VPS53: variants seen among roughly 807,000 people sequenced by gnomAD.
VPS53 encodes the protein VPS53 subunit of GARP complex, also known as vacuolar protein sorting-associated protein 53 homolog.
VPS53 carries 70 observed loss-of-function variants against 107.0 expected under a neutral mutation model. The observed-to-expected ratio is 0.65, with a 90% confidence interval of 0.54 to 0.80. The LOEUF (loss-of-function observed/expected upper bound fraction) is 0.80. VPS53 is among the 30% of genes least tolerant of loss of function. The pLI, the probability that VPS53 is intolerant of heterozygous loss-of-function variation, is 0.00. For missense variants in VPS53, 917 were observed against 1,049.4 expected, an observed-to-expected ratio of 0.87 and a Z score of 1.74; for synonymous variants, 409 against 393.3, an observed-to-expected ratio of 1.04 and a Z score of -0.47.
Position 574,192 on chromosome 17 carries a change from C to T in VPS53, c.1314-11447G>A, listed in dbSNP as rs73973155. ...TCTGCAGGAACAGCAGCACAGCCTG[C>T]GCAGTATCTGCTCCTTCCTTAGTGC... On this transcript the variant is annotated intron_variant, in intron 13 of 21. Coordinates refer to ENST00000437048, the MANE Select transcript of VPS53 (RefSeq NM_001128159.3). Among the ~76,000 whole-genome samples, 1,029 of 152,266 alleles carry T rather than the reference C, an allele frequency of 6.8e-3. 15 individuals carry two copies. Among genetic ancestry groups the T allele is most frequent in the African/African-American group, 0.024 (986 of 41,552 alleles).
chr17:639,449 AT>A (rs1451018671), intron 7 of VPS53, among the ~76,000 whole-genome samples: 10 of 151,766 alleles, frequency 6.6e-5, no homozygotes, highest in Non-Finnish European at 1.2e-4. Flanking sequence ...GCTTTGTTCC[AT>A]TGCTGGCGAG....
At chr17:532,810 C>G (rs1307221619) in intron 19 of VPS53, 32 bp downstream of exon 19, 1 of 1,611,652 alleles carries the variant, frequency 6.2e-7, no homozygotes, top group East Asian at 2.2e-5. Context: ...CAAAAGCTGC[C>G]AGGCAAATGC....
intron 7 of VPS53, among the ~76,000 whole-genome samples, chr17:646,350 G>A (rs1970708263): frequency 7.7e-6 from 1 of 129,200 alleles, no homozygotes; most frequent in South Asian, 2.6e-4. Context: ...CCATACTACG[G>A]ACTGGAGATC....
At chr17:629,438 C>T (rs1434511167) in intron 8 of VPS53, among the ~76,000 whole-genome samples, 1 of 152,086 alleles carries the variant, frequency 6.6e-6, no homozygotes, top group Non-Finnish European at 1.5e-5. Context: ...TAACACAAGG[C>T]CTTTAAGAAA....
intron 13 of VPS53, 130 bp from the exon 14 acceptor site, chr17:562,875 G>A (rs1312014852): frequency 6.6e-6 from 7 of 1,062,628 alleles, no homozygotes; most frequent in African/African-American, 4.8e-5. Context: ...CTTAAAATCG[G>A]ATCGATTTTA....
chr17:679,712 T>C (rs1479465916), intron 4 of VPS53, among the ~76,000 whole-genome samples: 2 of 152,242 alleles, frequency 1.3e-5, no homozygotes, highest in Non-Finnish European at 2.9e-5. Context: ...CAAAAGGCAC[T>C]TGACCTTGAT....
Position 551,944 on chromosome 17 carries a change from G to C in VPS53, c.1794C>G (p.Ile598Met). 2 of 1,594,908 alleles carry C rather than the reference G, an allele frequency of 1.3e-6. No individual in the cohort carries two copies. Among genetic ancestry groups the C allele is most frequent in the Non-Finnish European group, 1.7e-6 (2 of 1,169,866 alleles). ...GAACCAGCAGCTGAATACTGCTGGAGATGACGCTGCAAATCAAACAAATCA... is the reference window on the plus strand; with the variant it reads ...GAACCAGCAGCTGAATACTGCTGGACATGACGCTGCAAATCAAACAAATCA... ...TGEMDTFSTV[I>M]SSSIQLLVQD... Residue 598 changes from isoleucine (I) to methionine (M), a missense_variant, in exon 17 of 22, where the codon ATC becomes ATG. By Grantham distance (10) the Ile-to-Met change is conservative. Transcript: ENST00000437048.
At chr17:617,546 C>T (rs1969199515) in intron 11 of VPS53, among the ~76,000 whole-genome samples, 2 of 152,186 alleles carry the variant, frequency 1.3e-5, no homozygotes, top group South Asian at 2.1e-4. Context: ...GGACTACAGG[C>T]GTGCGCCACC....
intron 3 of VPS53, among the ~76,000 whole-genome samples, 200 bp downstream of exon 3, chr17:699,131 C>A (rs1973102346): frequency 6.6e-6 from 1 of 152,060 alleles, no homozygotes; most frequent in Non-Finnish European, 1.5e-5. Flanking sequence ...CACACCATTG[C>A]ACTCCAGCCT....
intron 14 of VPS53, among the ~76,000 whole-genome samples, chr17:561,538 G>C (rs1415332121): frequency 2.0e-5 from 3 of 152,180 alleles, no homozygotes; most frequent in Admixed American, 6.5e-5. Context: ...AAAGCACACA[G>C]ATCACACACA....
intron 14 of VPS53, 127 bp downstream of exon 14, chr17:562,376 C>T (rs1913093927): frequency 1.5e-6 from 2 of 1,338,898 alleles, no homozygotes; most frequent in Non-Finnish European, 2.1e-6. Flanking sequence ...CCCTCGGGAA[C>T]TCAGGAAGCG....
intron 4 of VPS53, among the ~76,000 whole-genome samples, chr17:667,018 C>T (rs1301590547): frequency 1.3e-5 from 2 of 152,186 alleles, no homozygotes; most frequent in Non-Finnish European, 2.9e-5. Context: ...GAATGGACAG[C>T]GATGACATGA....
Position 631,533 on chromosome 17 carries a change from G to A in VPS53, c.687+17C>T. ...ATGGTGATCATCTCTAAAGACTGGG[G>A]AAACGCAAAGCAGTACCTTGGTGCC... On this transcript the variant is annotated intron_variant, in intron 8 of 21. Transcript: ENST00000437048. 1 of 1,613,388 alleles carries A rather than the reference G, an allele frequency of 6.2e-7. No homozygotes were observed. The highest frequency in any genetic ancestry group is 8.5e-7 in the Non-Finnish European group (1 of 1,179,430).
chr17:690,070 C>T (rs945357918), intron 4 of VPS53, among the ~76,000 whole-genome samples: 5 of 151,606 alleles, frequency 3.3e-5, no homozygotes, highest in Admixed American at 6.6e-5. Flanking sequence ...TCTGACGGCA[C>T]GTCACACGGC....
intron 5 of VPS53, among the ~76,000 whole-genome samples, chr17:659,157 A>G (rs1198069372): frequency 6.6e-6 from 1 of 152,174 alleles, no homozygotes; most frequent in Non-Finnish European, 1.5e-5. Flanking sequence ...AAGGCTGAAG[A>G]TTGGCCCTGT....
chr17:714,429 G>C, intron 1 of VPS53, 194 bp downstream of exon 1: 1 of 596,738 alleles, frequency 1.7e-6, no homozygotes, highest in Non-Finnish European at 2.9e-6. Context: ...GACAATCAAA[G>C]CCTAGAAAGG....
intron 13 of VPS53, among the ~76,000 whole-genome samples, chr17:572,756 T>C (rs1385129678): frequency 1.3e-5 from 2 of 148,808 alleles, no homozygotes; most frequent in South Asian, 2.1e-4. Flanking sequence ...CTGAAGCATG[T>C]GCTGTGACCA....
chr17:681,277 C>G (rs1169851714), intron 4 of VPS53, among the ~76,000 whole-genome samples: 5 of 152,190 alleles, frequency 3.3e-5, no homozygotes, highest in Non-Finnish European at 7.3e-5. Flanking sequence ...GCTGGGCCTA[C>G]AGGTGCATGC....
rs1331927840 is a variant in VPS53 at position 610,164 on chromosome 17, CACACACACACACACAA to C, written c.1117-8284_1117-8269del. Among the ~76,000 whole-genome samples, 10 of 138,362 alleles carry C rather than the reference CACACACACACACACAA, an allele frequency of 7.2e-5. No homozygotes were observed. The South Asian group carries it at 2.2e-3, about 30-fold the overall frequency. The allele number at this position is 138,362 out of a possible 152,430, so 90.8% of individuals were successfully genotyped here. ...ACACACACACACACACACACACACA[CACACACACACACACAA>C]ATTAGTAGACAAAAATATTCATATA... On this transcript the variant is annotated intron_variant, in intron 11 of 21. Transcript: ENST00000437048.
Sources: gnomAD v4.1 joint callset for allele counts (sites outside exome capture counted in the v4.1 genomes callset) on GRCh38, gnomAD v4.1.1 for gene constraint, MANE v1.5 for transcripts, NCBI Gene and HGNC (gene_info 2026-07-23, HGNC 2026-07-21) for gene names.